The following FAM168A variants were observed in gnomAD, a reference collection of about 807,000 sequenced individuals.
FAM168A encodes family with sequence similarity 168 member A.
FAM168A carries 3 observed loss-of-function variants against 28.5 expected under a neutral mutation model. The observed-to-expected ratio is 0.11, with a 90% CI of 0.05 to 0.27. The LOEUF (loss-of-function observed/expected upper bound fraction) is 0.27, where lower values mean the gene tolerates loss of function less well. Ranked by LOEUF, FAM168A falls within the 10% of genes least tolerant of loss-of-function variation. FAM168A has a pLI of 1.00. For synonymous variants in FAM168A, 122 were observed against 124.2 expected (o/e 0.98, Z 0.12); for missense variants, 222 against 311.5 (o/e 0.71, Z 2.16).
intron 1 of FAM168A, among the ~76,000 whole-genome samples, chr11:73,483,065 G>A (rs755216612): frequency 6.6e-6 from 1 of 152,208 alleles, no homozygotes; most frequent in Non-Finnish European, 1.5e-5. Flanking sequence ...TAACAGCTGT[G>A]AGGCCTTGGA....
At chr11:73,495,939 T>C (rs1407031425) in intron 1 of FAM168A, among the ~76,000 whole-genome samples, 1 of 152,202 alleles carries the variant, frequency 6.6e-6, no homozygotes, top group Non-Finnish European at 1.5e-5. Flanking sequence ...TTCAAAAGAA[T>C]TTAAAACAGG....
intron 1 of FAM168A, among the ~76,000 whole-genome samples, chr11:73,566,269 C>T (rs1024608356): frequency 5.9e-5 from 9 of 152,192 alleles, no homozygotes; most frequent in African/African-American, 2.2e-4. Flanking sequence ...TCTATTTTCA[C>T]ATATATACTT....
At chr11:73,557,011 G>A (rs761783665) in intron 1 of FAM168A, among the ~76,000 whole-genome samples, 12 of 151,458 alleles carry the variant, frequency 7.9e-5, no homozygotes, top group South Asian at 4.2e-4. Flanking sequence ...TCTGGGCAAC[G>A]GAGCAAGACA....
intron 3 of FAM168A, among the ~76,000 whole-genome samples, chr11:73,429,857 A>T (rs1866952757): frequency 6.6e-6 from 1 of 152,250 alleles, no homozygotes; most frequent in African/African-American, 2.4e-5. Flanking sequence ...TATGGAAGAC[A>T]TTCAATACTT....
At chr11:73,488,544 T>C (rs1482493575) in intron 1 of FAM168A, among the ~76,000 whole-genome samples, 1 of 152,222 alleles carries the variant, frequency 6.6e-6, no homozygotes, top group African/African-American at 2.4e-5. Context: ...ATTTTGCTTA[T>C]TTGTCTAAAG....
At chr11:73,427,829 T>C (rs1355559680) in intron 3 of FAM168A, among the ~76,000 whole-genome samples, 1 of 152,216 alleles carries the variant, frequency 6.6e-6, no homozygotes, top group African/African-American at 2.4e-5. Context: ...AATAGCCCAG[T>C]GCTGGGGATG....
At chr11:73,493,876 A>T (rs938522716) in intron 1 of FAM168A, among the ~76,000 whole-genome samples, 3 of 152,258 alleles carry the variant, frequency 2.0e-5, no homozygotes, top group African/African-American at 7.2e-5. Flanking sequence ...TGTCTCCTAC[A>T]TGAAGCTTCA....
intron 2 of FAM168A, among the ~76,000 whole-genome samples, chr11:73,436,594 A>C (rs1371411076): frequency 6.6e-6 from 1 of 152,346 alleles, no homozygotes; most frequent in East Asian, 1.9e-4. Flanking sequence ...TTGAATCTGT[A>C]TTATGTTCTG....
intron 1 of FAM168A, among the ~76,000 whole-genome samples, chr11:73,506,954 A>C (rs1172812609): frequency 6.6e-6 from 1 of 152,224 alleles, no homozygotes; most frequent in Non-Finnish European, 1.5e-5. Flanking sequence ...AAATAAAAAA[A>C]CTTGACTCTA....
At chr11:73,482,062 G>T (rs1431276541) in intron 1 of FAM168A, among the ~76,000 whole-genome samples, 2 of 151,586 alleles carry the variant, frequency 1.3e-5, no homozygotes, top group Non-Finnish European at 2.9e-5. Context: ...AACTTGCCTT[G>T]ATCTTGGACC....
chr11:73,506,997 A>C (rs1051377890), intron 1 of FAM168A, among the ~76,000 whole-genome samples: 1 of 152,224 alleles, frequency 6.6e-6, no homozygotes, highest in Non-Finnish European at 1.5e-5. Flanking sequence ...ATCACACTTA[A>C]GAGTGTTGCA....
intron 1 of FAM168A, among the ~76,000 whole-genome samples, chr11:73,468,892 T>G (rs531655113): frequency 7.1e-4 from 108 of 152,262 alleles, no homozygotes; most frequent in African/African-American, 2.3e-3. Flanking sequence ...CTAATTCCAA[T>G]GTTGTTAGTC....
At chr11:73,457,377 GA>G (rs1480001364) in intron 2 of FAM168A, among the ~76,000 whole-genome samples, 1 of 151,004 alleles carries the variant, frequency 6.6e-6, no homozygotes, top group Non-Finnish European at 1.5e-5. Context: ...GGGACAGAGT[GA>G]AACTCCATCT....
At chr11:73,424,863 A>T (rs1866856277) in intron 3 of FAM168A, among the ~76,000 whole-genome samples, 1 of 152,166 alleles carries the variant, frequency 6.6e-6, no homozygotes, top group South Asian at 2.1e-4. Flanking sequence ...GCACCATCAG[A>T]CACGTTCCTG....
chr11:73,431,032 T>C (rs1374842883), intron 2 of FAM168A, among the ~76,000 whole-genome samples: 1 of 151,786 alleles, frequency 6.6e-6, no homozygotes, highest in Non-Finnish European at 1.5e-5. Flanking sequence ...TTCTATATGC[T>C]CACTATTAAA....
At chr11:73,492,535 G>T (rs998687872) in intron 1 of FAM168A, among the ~76,000 whole-genome samples, 2 of 152,224 alleles carry the variant, frequency 1.3e-5, no homozygotes, top group South Asian at 4.2e-4. Context: ...CCAGCTACAC[G>T]GGGGGCTGAG....
intron 1 of FAM168A, among the ~76,000 whole-genome samples, chr11:73,528,280 C>T (rs2134660753): frequency 6.6e-6 from 1 of 152,256 alleles, no homozygotes; most frequent in East Asian, 1.9e-4. Context: ...CTCAGAAAGT[C>T]AGGCATTCCT....
chr11:73,422,928 A>G (rs1866823888), intron 3 of FAM168A, among the ~76,000 whole-genome samples: 1 of 152,214 alleles, frequency 6.6e-6, no homozygotes, highest in Admixed American at 6.5e-5. Flanking sequence ...CAATCTGTTT[A>G]GCACACTTAC....
At chr11:73,541,752 T>G (rs1018446247) in intron 1 of FAM168A, among the ~76,000 whole-genome samples, 1 of 152,214 alleles carries the variant, frequency 6.6e-6, no homozygotes, top group Non-Finnish European at 1.5e-5. Context: ...TTAAATGAGA[T>G]AAACTTATGA....
Sources: allele counts gnomAD v4.1 joint callset (sites outside exome capture counted in the v4.1 genomes callset), GRCh38; gene constraint gnomAD v4.1.1; transcripts MANE v1.5; gene names NCBI Gene and HGNC (gene_info 2026-07-23, HGNC 2026-07-21).